DPP6: variants seen among roughly 807,000 people sequenced by gnomAD.
DPP6 encodes the protein dipeptidyl peptidase like 6.
Under a neutral mutation model 122.6 loss-of-function variants are expected in DPP6, and 69 were observed. The ratio of observed to expected loss-of-function variants is 0.56; its 90% confidence interval spans 0.46 to 0.69. The LOEUF is 0.69. Ranked by LOEUF, DPP6 falls within the 30% of genes least tolerant of loss-of-function variation. The pLI is 0.00. For synonymous variants in DPP6, 418 were observed against 433.1 expected (o/e 0.97, Z 0.43); for missense variants, 928 against 1,116.9 (o/e 0.83, Z 2.41).
chr7:154,445,991 T>C (rs891245298), intron 1 of DPP6, among the ~76,000 whole-genome samples: 3 of 152,194 alleles, frequency 2.0e-5, no homozygotes, highest in Non-Finnish European at 4.4e-5. Flanking sequence ...TGAGGTAACA[T>C]TTGGCCATAG....
chr7:154,109,674 T>A (rs1467637562), intron 1 of DPP6, among the ~76,000 whole-genome samples: 1 of 152,014 alleles, frequency 6.6e-6, no homozygotes, highest in Non-Finnish European at 1.5e-5. Context: ...ATGTGTGCAT[T>A]TTTTTTTCCT....
intron 1 of DPP6, among the ~76,000 whole-genome samples, chr7:154,407,731 T>G (rs1816240753): frequency 6.6e-6 from 1 of 152,232 alleles, no homozygotes; most frequent in Admixed American, 6.5e-5. Flanking sequence ...GATGAAAGTT[T>G]ATGCCCCTTT....
At chr7:153,822,419 G>A in the DPP6 span, among the ~76,000 whole-genome samples, 1 of 151,984 alleles carries the variant, frequency 6.6e-6, no homozygotes, top group African/African-American at 2.4e-5. Context: ...TCGAACTCCT[G>A]ACCTCAAGTG....
intron 1 of DPP6, among the ~76,000 whole-genome samples, chr7:154,303,509 G>A (rs1421541086): frequency 2.0e-5 from 3 of 151,974 alleles, no homozygotes; most frequent in South Asian, 2.1e-4. Flanking sequence ...TGCTTGGCCC[G>A]GCCCAGTCCC....
At chr7:154,357,813 A>G (rs771538802) in intron 1 of DPP6, among the ~76,000 whole-genome samples, 9 of 152,098 alleles carry the variant, frequency 5.9e-5, no homozygotes, top group Admixed American at 6.6e-5. Context: ...CCGATGGCAC[A>G]TGCCTGTAAT....
At chr7:154,154,672 A>G (rs1195721884) in intron 1 of DPP6, among the ~76,000 whole-genome samples, 3 of 152,234 alleles carry the variant, frequency 2.0e-5, no homozygotes, top group African/African-American at 7.2e-5. Context: ...CTGAAGTCTA[A>G]GGTGATGTGA....
chr7:154,714,347 A>T (rs1454189929), intron 7 of DPP6, among the ~76,000 whole-genome samples: 1 of 152,136 alleles, frequency 6.6e-6, no homozygotes, highest in Non-Finnish European at 1.5e-5. Flanking sequence ...TTATAGCAGC[A>T]CCTCACTCTC....
chr7:153,983,487 T>C (rs1414108043), intron 1 of DPP6, among the ~76,000 whole-genome samples: 4 of 152,224 alleles, frequency 2.6e-5, no homozygotes, highest in Admixed American at 6.5e-5. Flanking sequence ...TTGGGCTCCA[T>C]GGAGATGGGC....
the DPP6 span, among the ~76,000 whole-genome samples, chr7:153,790,855 T>C: frequency 6.6e-6 from 1 of 152,184 alleles, no homozygotes; most frequent in Non-Finnish European, 1.5e-5. Flanking sequence ...GAGAAGGAAA[T>C]GGCGGAAGAG....
chr7:154,710,895 T>C (rs1360978033), intron 7 of DPP6, among the ~76,000 whole-genome samples: 2 of 152,252 alleles, frequency 1.3e-5, no homozygotes, highest in East Asian at 1.9e-4. Context: ...GCCAGTTCCA[T>C]GGCCAGCCAA....
intron 1 of DPP6, among the ~76,000 whole-genome samples, chr7:154,136,901 G>T (rs1795583333): frequency 6.6e-6 from 1 of 152,202 alleles, no homozygotes; most frequent in Admixed American, 6.5e-5. Flanking sequence ...TAAAAATTCA[G>T]TCTTTAAAAA....
chr7:154,826,064 C>T (rs945378781), intron 16 of DPP6, among the ~76,000 whole-genome samples: 23 of 152,306 alleles, frequency 1.5e-4, no homozygotes, highest in Admixed American at 6.5e-4. Flanking sequence ...GTTTCACAAA[C>T]GCAAACCCAT....
Position 154,301,804 on chromosome 7 carries a change from TTTTTTTTTTG to T in DPP6, c.244-144407_244-144398del, listed in dbSNP as rs1313100567. Among the ~76,000 whole-genome samples the T allele has an allele frequency of 2.0e-4, 18 of 91,900 alleles. 1 individual carries two copies. The highest frequency in any genetic ancestry group is 8.9e-4 in the African/African-American group (11 of 12,408). The allele number at this position is 91,900 out of a possible 152,430, so 60.3% of individuals were successfully genotyped here. ...CTGCCCTCTTTTTTTTTTTTTTTTT[TTTTTTTTTTG>T]TTGGAGACAGAGCTCTCACCCGGGC... is the stretch of plus-strand genomic sequence containing the variant. On this transcript the variant is annotated intron_variant, in intron 1 of 25. Transcript: ENST00000377770.
At chr7:154,779,092 TA>T (rs1796833573) in intron 10 of DPP6, among the ~76,000 whole-genome samples, 1 of 3,060 alleles carries the variant, frequency 3.3e-4, no homozygotes, top group Non-Finnish European at 6.5e-4. Flanking sequence ...CCACAACCTC[TA>T]CCACCACCAC....
At chr7:154,535,183 C>A (rs1194471511) in intron 3 of DPP6, among the ~76,000 whole-genome samples, 1 of 152,012 alleles carries the variant, frequency 6.6e-6, no homozygotes. Flanking sequence ...AAGAAAGGAA[C>A]GTTGCTGCTT....
intron 1 of DPP6, among the ~76,000 whole-genome samples, chr7:154,271,928 A>G (rs1350352448): frequency 1.3e-5 from 2 of 152,256 alleles, no homozygotes; most frequent in Non-Finnish European, 2.9e-5. Context: ...AGAAAGATTT[A>G]TGAATGAGAT....
intron 1 of DPP6, among the ~76,000 whole-genome samples, chr7:154,356,128 G>T (rs1811249933): frequency 1.3e-5 from 2 of 151,822 alleles, no homozygotes; most frequent in South Asian, 4.2e-4. Flanking sequence ...TCCATTTTCT[G>T]TTTTTTCTAT....
At chr7:154,211,524 C>T (rs1236499734) in intron 1 of DPP6, among the ~76,000 whole-genome samples, 1 of 152,184 alleles carries the variant, frequency 6.6e-6, no homozygotes, top group Non-Finnish European at 1.5e-5. Flanking sequence ...GAGTGAACAT[C>T]CTGCTCTTTC....
At chr7:154,002,443 C>G (rs2907717) in intron 1 of DPP6, among the ~76,000 whole-genome samples, 1 of 152,222 alleles carries the variant, frequency 6.6e-6, no homozygotes, top group Non-Finnish European at 1.5e-5. Flanking sequence ...CTTTCTCAAC[C>G]ACAAGAATTC....
Sources: gnomAD v4.1 joint callset for allele counts (sites outside exome capture counted in the v4.1 genomes callset) on GRCh38, gnomAD v4.1.1 for gene constraint, MANE v1.5 for transcripts, NCBI Gene and HGNC (gene_info 2026-07-23, HGNC 2026-07-21) for gene names.